The following SVEP1 variants were observed in gnomAD, a reference collection of about 807,000 sequenced individuals.
SVEP1 encodes sushi, von Willebrand factor type A, EGF and pentraxin domain-containing protein 1.
SVEP1 carries 164 observed loss-of-function variants against 367.3 expected under a neutral mutation model. The observed-to-expected ratio is 0.45, with a 90% CI of 0.39 to 0.51. SVEP1 has a LOEUF of 0.51. SVEP1 is among the 20% of genes least tolerant of loss of function. SVEP1 has a pLI of 0.00. For missense variants in SVEP1, 4,117 were observed against 4,425.3 expected, an observed-to-expected ratio of 0.93 and a Z score of 1.98; for synonymous variants, 1,666 against 1,611.6, an observed-to-expected ratio of 1.03 and a Z score of -0.81.
At chr9:110,500,874 T>C (rs1829519612) in intron 6 of SVEP1, among the ~76,000 whole-genome samples, 1 of 151,950 alleles carries the variant, frequency 6.6e-6, no homozygotes, top group African/African-American at 2.4e-5. Context: ...TTCAAACTGA[T>C]TTTAGTGATT....
intron 1 of SVEP1, among the ~76,000 whole-genome samples, chr9:110,556,129 G>A (rs1353284273): frequency 2.0e-5 from 3 of 152,124 alleles, no homozygotes; most frequent in African/African-American, 4.8e-5. Flanking sequence ...TCAAGCCTCC[G>A]ATTAGCTTGT....
intron 1 of SVEP1, among the ~76,000 whole-genome samples, chr9:110,555,488 CAAAT>C (rs933009831): frequency 2.7e-4 from 41 of 152,192 alleles, no homozygotes; most frequent in African/African-American, 8.9e-4. Context: ...CCTTCTGAAA[CAAAT>C]GAATGCTATT....
chr9:110,531,877 G>A (rs1830022371), intron 3 of SVEP1, among the ~76,000 whole-genome samples: 1 of 152,084 alleles, frequency 6.6e-6, no homozygotes, highest in South Asian at 2.1e-4. Context: ...GAATAAATTT[G>A]GAAACAATCT....
intron 22 of SVEP1, among the ~76,000 whole-genome samples, chr9:110,455,157 A>G (rs1828759708): frequency 6.6e-6 from 1 of 152,246 alleles, no homozygotes; most frequent in African/African-American, 2.4e-5. Context: ...GAACATCCAC[A>G]GAAATTGGCA....
intron 3 of SVEP1, among the ~76,000 whole-genome samples, chr9:110,520,083 C>T (rs965609381): frequency 6.6e-6 from 1 of 152,052 alleles, no homozygotes; most frequent in Admixed American, 6.5e-5. Flanking sequence ...TATTACTCTC[C>T]AAAATCTTTT....
chr9:110,496,177 T>C (rs759941248), intron 8 of SVEP1, among the ~76,000 whole-genome samples: 3 of 152,136 alleles, frequency 2.0e-5, no homozygotes, highest in Non-Finnish European at 4.4e-5. Context: ...ACAAAGAGTA[T>C]TGTGATGGTT....
Position 110,471,271 on chromosome 9 carries a change from T to A in SVEP1, c.2998+93A>T, listed in dbSNP as rs943797059. On this transcript the variant is annotated intron_variant, in intron 16 of 47. Transcript: ENST00000374469. ...CACAACAAGAGCAAAATATGTTTCA[T>A]TTCAATATCCCTTTATAGTTGTAAA... 1.7e-5 allele frequency: 18 copies of A among 1,034,430 alleles called. No individual in the cohort carries two copies. In the African/African-American group the frequency reaches 2.6e-4, roughly 15 times the overall value. 64.1% of individuals were successfully genotyped at this position (1,034,430 alleles called of 1,614,324 possible).
rs1323570492 is a variant in SVEP1 at position 110,430,385 on chromosome 9, C to T, written c.5419G>A (p.Val1807Ile). 11 of 1,613,176 alleles carry T rather than the reference C, an allele frequency of 6.8e-6. No individual in the cohort carries two copies. Among genetic ancestry groups the T allele is most frequent in the East Asian group, 2.2e-5 (1 of 44,876 alleles). ...CACGAAAATGTGACTTCGGCACCTA[C>T]TGTATAAATCTCACCTGAGGAGTGG... is the stretch of plus-strand genomic sequence containing the variant. The part of the protein sequence containing the change: ...NGHSSGEIYT[V>I]GAEVTFSCQE... Residue 1807 changes from valine to isoleucine, a missense_variant, in exon 33 of 48, where the codon GTA becomes ATA. Transcript: ENST00000374469.
At chr9:110,413,939 A>C (rs1372754764) in intron 36 of SVEP1, among the ~76,000 whole-genome samples, 1 of 152,022 alleles carries the variant, frequency 6.6e-6, no homozygotes, top group Non-Finnish European at 1.5e-5. Context: ...CATTGTAAGG[A>C]AATAAAGTGA....
At chr9:110,469,967 C>T (rs1828990543) in intron 16 of SVEP1, among the ~76,000 whole-genome samples, 1 of 152,168 alleles carries the variant, frequency 6.6e-6, no homozygotes, top group African/African-American at 2.4e-5. Flanking sequence ...CTATAAAAAA[C>T]CCAACGGAGC....
intron 40 of SVEP1, among the ~76,000 whole-genome samples, chr9:110,392,401 C>G (rs371758466): frequency 1.3e-5 from 2 of 151,978 alleles, no homozygotes; most frequent in African/African-American, 2.4e-5. Flanking sequence ...TGATAATTTC[C>G]GTATTCATTT....
At chr9:110,413,636 G>A (rs1828077400) in intron 36 of SVEP1, among the ~76,000 whole-genome samples, 1 of 151,924 alleles carries the variant, frequency 6.6e-6, no homozygotes, top group South Asian at 2.1e-4. Context: ...CAGTCGTTAT[G>A]CACAGATGTT....
At chr9:110,567,681 T>C (rs1396289784) in intron 1 of SVEP1, among the ~76,000 whole-genome samples, 1 of 152,190 alleles carries the variant, frequency 6.6e-6, no homozygotes, top group East Asian at 1.9e-4. Context: ...AGTTGAGTTA[T>C]TTTCCATAGT....
chr9:110,490,858 A>G (rs1386252317), intron 8 of SVEP1, among the ~76,000 whole-genome samples: 2 of 151,958 alleles, frequency 1.3e-5, no homozygotes, highest in Non-Finnish European at 2.9e-5. Context: ...TGCATGTATT[A>G]TATTTTTTAC....
intron 41 of SVEP1, among the ~76,000 whole-genome samples, chr9:110,389,057 C>T (rs1827573511): frequency 6.6e-6 from 1 of 152,150 alleles, no homozygotes; most frequent in Non-Finnish European, 1.5e-5. Flanking sequence ...TGCATTAACC[C>T]ACATTTTGCC....
Position 110,375,414 on chromosome 9 carries a change from G to A in SVEP1, c.10554C>T (p.Tyr3518=). 2.0e-6 allele frequency: 3 copies of A among 1,520,566 alleles called. No homozygotes were observed. The highest frequency in any genetic ancestry group is 2.7e-6 in the Non-Finnish European group (3 of 1,130,730). 94.2% of individuals were successfully genotyped at this position (1,520,566 alleles called of 1,614,324 possible). The change falls in exon 46 of 48, where the codon TAC becomes TAT. Residue 3518 remains tyrosine (Y), a synonymous_variant. Coordinates refer to ENST00000374469, the MANE Select transcript of SVEP1 (RefSeq NM_153366.4). The stretch of plus-strand genomic sequence containing the variant: ...TCCAGCCAGGCGGGCAGTCACACTG[G>A]TAAGGGGCCACACAGCGACCTCCGT... ...CLNGGRCVAP[Y]QCDCPPGWTG...
chr9:110,457,375 A>C (rs1303315711), intron 20 of SVEP1, 23 bp from the exon 21 acceptor site: 4 of 1,555,750 alleles, frequency 2.6e-6, no homozygotes, highest in African/African-American at 2.7e-5. Context: ...TAAAAAAATC[A>C]ATCAGAGACA....
At chr9:110,395,666 A>G (rs1315855171) in intron 40 of SVEP1, among the ~76,000 whole-genome samples, 1 of 151,768 alleles carries the variant, frequency 6.6e-6, no homozygotes, top group Non-Finnish European at 1.5e-5. Context: ...AGATCTACCA[A>G]GCAAATGGAA....
intron 3 of SVEP1, among the ~76,000 whole-genome samples, chr9:110,538,135 T>C (rs1830101872): frequency 6.6e-6 from 1 of 152,000 alleles, no homozygotes; most frequent in Non-Finnish European, 1.5e-5. Flanking sequence ...TCTAATTTTA[T>C]GTGTGTTACA....
Sources: allele counts gnomAD v4.1 joint callset (sites outside exome capture counted in the v4.1 genomes callset), GRCh38; gene constraint gnomAD v4.1.1; transcripts MANE v1.5; gene names NCBI Gene and HGNC (gene_info 2026-07-23, HGNC 2026-07-21).